Variants in PCGF2 observed in about 807,000 individuals in gnomAD.
PCGF2 encodes the protein polycomb group RING finger protein 2.
In PCGF2, 8 loss-of-function variants were observed where a neutral mutation model predicts 36.1. That is an observed-to-expected ratio of 0.22 (90% CI 0.13 to 0.40). The LOEUF is 0.40. Among genes scored for constraint, PCGF2 ranks in the 10% least tolerant of loss-of-function variants. The pLI is 1.00. For missense variants in PCGF2, 436 were observed against 475.9 expected (o/e 0.92, Z 0.78); for synonymous variants, 198 against 191.2 (o/e 1.04, Z -0.29).
Position 38,736,071 on chromosome 17 carries a change from G to C in PCGF2, c.657+19C>G, listed in dbSNP as rs538583341. 6.5e-7 allele frequency: 1 copy of C among 1,538,646 alleles called. No homozygotes were observed. Reference sequence around the variant, plus strand: ...CCCTGTGGGAGTCTGCTCCCTGCCCGCCCCACTCGCTGGCTCACCCGCCGC... The same window carrying C: ...CCCTGTGGGAGTCTGCTCCCTGCCCCCCCCACTCGCTGGCTCACCCGCCGC... On this transcript the variant is annotated intron_variant, in intron 10 of 10. Transcript: ENST00000620225.
intron 2 of PCGF2, among the ~76,000 whole-genome samples, chr17:38,744,779 G>A (rs193120329): frequency 1.8e-4 from 28 of 152,316 alleles, no homozygotes; most frequent in African/African-American, 6.7e-4. Flanking sequence ...GTGCTTCTCT[G>A]ATGCCATAGC....
Position 38,740,420 on chromosome 17 carries a change from TG to T in PCGF2, c.-19del. 6 of 444,954 alleles carry T rather than the reference TG, an allele frequency of 1.3e-5. No homozygotes were observed. Among genetic ancestry groups the T allele is most frequent in the Non-Finnish European group, 1.1e-5 (3 of 272,220 alleles). The allele number at this position is 444,954 out of a possible 1,614,324, so 27.6% of individuals were successfully genotyped here. ...CGATGCATGATTCCGGGGTCGGGGG[TG>T]GGGGGACTGGGGAGCGTTGCCCTGG... is the stretch of plus-strand genomic sequence containing the variant. On this transcript the variant is annotated 5_prime_UTR_variant, in exon 3 of 11. Coordinates refer to ENST00000620225, the MANE Select transcript of PCGF2 (RefSeq NM_007144.3).
rs765435276 is a variant in PCGF2 at position 38,738,789 on chromosome 17, A to G, written c.389T>C (p.Ile130Thr). ...QEKGALSDDE[I>T]VSLSIEFYEG... is the part of the protein sequence containing the mutation. ...GTAGAATTCGATGGAGAGGCTGACAATCTCATCATCACTCAGAGCCCCCTT... is the reference window on the plus strand; with the variant it reads ...GTAGAATTCGATGGAGAGGCTGACAGTCTCATCATCACTCAGAGCCCCCTT... Residue 130 changes from isoleucine to threonine, a missense_variant, in exon 7 of 11, where the codon ATT becomes ACT. Physicochemically the swap from Ile to Thr is moderately conservative, Grantham distance 89. Transcript: ENST00000620225. The G allele has an allele frequency of 5.0e-6, 8 of 1,613,970 alleles. No individual in the cohort carries two copies. In the South Asian group the frequency reaches 8.8e-5, roughly 18 times the overall value.
rs765976284 is a variant in PCGF2, at chr17:38,736,079, C to T, written c.657+11G>A. 22 of 1,559,958 alleles carry T rather than the reference C, an allele frequency of 1.4e-5. No homozygotes were observed. The highest frequency in any genetic ancestry group is 7.6e-5 in the Admixed American group (4 of 52,540). ...GAGTCTGCTCCCTGCCCGCCCCACT[C>T]GCTGGCTCACCCGCCGCCAGGGGTA... On this transcript the variant is annotated intron_variant, in intron 10 of 10. Coordinates refer to ENST00000620225, the MANE Select transcript of PCGF2 (RefSeq NM_007144.3).
At chr17:38,749,703 G>C (rs1253757615), upstream of PCGF2, 1 of 455,738 alleles carries the variant, frequency 2.2e-6, no homozygotes, top group South Asian at 1.5e-5. This position sits in a 1 kb window ranked among gnomAD's most constrained non-coding sequence, Gnocchi z 6.5. Context: ...GTTGCTCGCA[G>C]CCAAGGCAGC....
intron 2 of PCGF2, among the ~76,000 whole-genome samples, chr17:38,745,239 G>A (rs1442418522): frequency 6.6e-6 from 1 of 152,182 alleles, no homozygotes; most frequent in East Asian, 1.9e-4. Context: ...GGCTGAGGCA[G>A]GAGAATCGCT....
intron 2 of PCGF2, among the ~76,000 whole-genome samples, chr17:38,744,519 C>T (rs1320258860): frequency 6.6e-5 from 10 of 152,092 alleles, no homozygotes; most frequent in Non-Finnish European, 2.9e-5. Flanking sequence ...CCACACCTGG[C>T]TAATTTTTGT....
chr17:38,740,280 C>T lies in PCGF2; in HGVS notation c.112+11G>A, dbSNP rs1907097721. 2 of 1,611,164 alleles carry T rather than the reference C, an allele frequency of 1.2e-6. No individual in the cohort carries two copies. Among genetic ancestry groups the T allele is most frequent in the Non-Finnish European group, 1.7e-6 (2 of 1,177,326 alleles). The stretch of plus-strand genomic sequence containing the variant: ...TGCCCACCCTGAGCAGCTCCCCTCC[C>T]CCCAACTCACAGGAATGCAGGCACT... On this transcript the variant is annotated intron_variant, in intron 3 of 10. Transcript: ENST00000620225.
At chr17:38,747,998 G>A (rs543261841) in intron 1 of PCGF2, 27 bp from the exon 2 acceptor site, 11 of 153,298 alleles carry the variant, frequency 7.2e-5, no homozygotes, top group African/African-American at 1.7e-4. Context: ...GGGAAAAAGG[G>A]ACAGAAAAAA....
intron 9 of PCGF2, 92 bp from the exon 10 acceptor site, chr17:38,736,262 G>A (rs1481783078): frequency 1.4e-5 from 11 of 761,678 alleles, no homozygotes; most frequent in Non-Finnish European, 2.5e-5. Flanking sequence ...GCAATGGGAA[G>A]GGTGGATTTA....
chr17:38,736,075 C>T lies in PCGF2; in HGVS notation c.657+15G>A. On this transcript the variant is annotated intron_variant, in intron 10 of 10. Coordinates refer to ENST00000620225, the MANE Select transcript of PCGF2 (RefSeq NM_007144.3). ...GTGGGAGTCTGCTCCCTGCCCGCCC[C>T]ACTCGCTGGCTCACCCGCCGCCAGG... 6.4e-7 allele frequency: 1 copy of T among 1,552,784 alleles called. No individual in the cohort carries two copies. The highest frequency in any genetic ancestry group is 8.7e-7 in the Non-Finnish European group (1 of 1,143,358).
At position 38,738,410 on chromosome 17, in the gene PCGF2, G is replaced by A. The variant is rs779977163; in HGVS notation, c.519C>T (p.Thr173=). ...GGAGAAACTTGGCAAGATGCATGAC[G>A]GTCATGGCTGCTGGGCATCGCAGGA... ...VRFLRCPAAM[T]VMHLAKFLRN... Residue 173 remains threonine, a synonymous_variant, in exon 9 of 11, where the codon ACC becomes ACT. Transcript: ENST00000620225. The A allele has an allele frequency of 1.4e-5, 22 of 1,614,172 alleles. No individual in the cohort carries two copies. Among genetic ancestry groups the A allele is most frequent in the South Asian group, 4.4e-5 (4 of 91,084 alleles).
Position 38,735,521 on chromosome 17 carries a change from T to C in PCGF2, c.737A>G (p.Glu246Gly). The change falls in exon 11 of 11, where the codon GAG becomes GGG. Residue 246 changes from glutamate (E) to glycine (G), a missense_variant. This residue lies in a region of PCGF2 where 227 missense variants were observed against 212.9 expected (regional missense o/e 1.07). Coordinates refer to ENST00000620225, the MANE Select transcript of PCGF2 (RefSeq NM_007144.3). The stretch of plus-strand genomic sequence containing the variant: ...GGACGCCCCGCTGGTGTTGGTGCCC[T>C]CGGAGGGGGTGGGCACCGTGGCTAG... ...LTLATVPTPS[E>G]GTNTSGASEC... 1.3e-6 allele frequency: 2 copies of C among 1,589,796 alleles called. No individual in the cohort carries two copies. The highest frequency in any genetic ancestry group is 1.7e-6 in the Non-Finnish European group (2 of 1,168,372).
Position 38,735,612 on chromosome 17 carries a change from G to A in PCGF2, c.658-12C>T. The A allele has an allele frequency of 6.5e-7, 1 of 1,543,732 alleles. No individual in the cohort carries two copies. The highest frequency in any genetic ancestry group is 8.8e-7 in the Non-Finnish European group (1 of 1,140,474). On this transcript the variant is annotated splice_polypyrimidine_tract_variant and intron_variant, in intron 10 of 10. Coordinates refer to ENST00000620225, the MANE Select transcript of PCGF2 (RefSeq NM_007144.3). ...GGGAGAGGCCCGTTCTGCGGGGAGA[G>A]TGGGGAGGAGAGACACAGGGAAGGG...
At chr17:38,738,702 G>C (rs757218591) in intron 7 of PCGF2, 51 bp downstream of exon 7, 4 of 1,572,690 alleles carry the variant, frequency 2.5e-6, no homozygotes, top group Non-Finnish European at 3.5e-6. Flanking sequence ...GGTGGGAGAA[G>C]GGGTTACCCA....
chr17:38,742,486 A>T (rs1907263012), intron 2 of PCGF2, among the ~76,000 whole-genome samples: 1 of 152,194 alleles, frequency 6.6e-6, no homozygotes, highest in South Asian at 2.1e-4. Context: ...TGGGAGAGAC[A>T]CCAGGTTACA....
intron 9 of PCGF2, among the ~76,000 whole-genome samples, chr17:38,736,792 C>A (rs572502036): frequency 1.3e-5 from 2 of 152,102 alleles, no homozygotes; most frequent in East Asian, 3.9e-4. Flanking sequence ...GGAGATAGTG[C>A]CCCTGAACTC....
At chr17:38,738,706 T>C in intron 7 of PCGF2, 47 bp downstream of exon 7, 1 of 1,577,802 alleles carries the variant, frequency 6.3e-7, no homozygotes. Context: ...GGAGAAGGGG[T>C]TACCCAGACT....
upstream of PCGF2, chr17:38,749,720 G>C (rs1190049204): frequency 2.2e-6 from 1 of 455,598 alleles, no homozygotes; most frequent in Admixed American, 2.4e-5. This position sits in a 1 kb window ranked among gnomAD's most constrained non-coding sequence, Gnocchi z 6.5. Flanking sequence ...CAGCCGCGAA[G>C]CTGGGGGCCT....
Sources: gnomAD v4.1 joint callset for allele counts (sites outside exome capture counted in the v4.1 genomes callset) on GRCh38, gnomAD v4.1.1 for gene constraint, gnomAD v4.1.1 regional missense constraint, Gnocchi (gnomAD v3.1) non-coding constraint, MANE v1.5 for transcripts, NCBI Gene and HGNC (gene_info 2026-07-23, HGNC 2026-07-21) for gene names.